Variants in MAN1A2 observed in about 807,000 individuals in gnomAD.
MAN1A2 encodes the protein mannosidase alpha class 1A member 2.
MAN1A2 carries 26 observed loss-of-function variants against 75.7 expected under a neutral mutation model. The observed-to-expected ratio is 0.34, with a 90% confidence interval of 0.25 to 0.48. The LOEUF (loss-of-function observed/expected upper bound fraction) is 0.48, where lower values mean the gene tolerates loss of function less well. MAN1A2 is among the 20% of genes least tolerant of loss of function. MAN1A2 has a pLI of 0.99. For synonymous variants in MAN1A2, 247 were observed against 264.6 expected, an observed-to-expected ratio of 0.93 and a Z score of 0.65; for missense variants, 562 against 775.5, an observed-to-expected ratio of 0.72 and a Z score of 3.27.
rs779110996 is a variant in MAN1A2 at position 117,368,196 on chromosome 1, G to A, written c.13G>A (p.Ala5Thr). The change falls in exon 1 of 13, where the codon GCC becomes ACC. Residue 5 changes from alanine to threonine, a missense_variant. By Grantham distance (58) the Ala-to-Thr change is moderately conservative. This residue lies in a region of MAN1A2 where 128 missense variants were observed against 129.8 expected (regional missense o/e 0.99). Transcript: ENST00000356554. The stretch of plus-strand genomic sequence containing the variant: ...AAGAGCGTAAACGATGACTACCCCA[G>A]CCCTGCTGCCCCTCTCTGGACGTAG... MTTP[A>T]LLPLSGRRIP... 6 of 1,612,378 alleles carry A rather than the reference G, an allele frequency of 3.7e-6. No homozygotes were observed. The East Asian group carries it at 8.9e-5, about 24-fold the overall frequency.
In MAN1A2 at chr1:117,526,762, T is replaced by C. The variant is rs1013830229; in HGVS notation, c.*3805T>C. On this transcript the variant is annotated 3_prime_UTR_variant, in exon 13 of 13. Transcript: ENST00000356554. Reference sequence around the variant, plus strand: ...ATACTAAAATATTCAAAGTTCCAAATAACAGTTCCTAGTAATAGTATTTTG... The same window carrying C: ...ATACTAAAATATTCAAAGTTCCAAACAACAGTTCCTAGTAATAGTATTTTG... 6.7e-6 allele frequency: 1 copy of C among 150,112 alleles called. No homozygotes were observed. The highest frequency in any genetic ancestry group is 1.5e-5 in the Non-Finnish European group (1 of 67,272). 9.3% of individuals were successfully genotyped at this position (150,112 alleles called of 1,614,324 possible). A position where few individuals can be genotyped will look rare whatever the true frequency, so the allele number is the denominator to read the frequency against.
At chr1:117,385,627 G>T (rs930361549) in intron 1 of MAN1A2, among the ~76,000 whole-genome samples, 3 of 152,182 alleles carry the variant, frequency 2.0e-5, no homozygotes, top group Non-Finnish European at 2.9e-5. Flanking sequence ...AAAGGCATGT[G>T]CTTAAATTTT....
At chr1:117,415,177 A>C (rs192014694) in intron 4 of MAN1A2, among the ~76,000 whole-genome samples, 23 of 152,170 alleles carry the variant, frequency 1.5e-4, no homozygotes, top group Admixed American at 9.2e-4. Context: ...GCACAGTTGC[A>C]TTCTTGGTGT....
chr1:117,469,063 T>C (rs1650061059), intron 8 of MAN1A2, among the ~76,000 whole-genome samples: 2 of 151,924 alleles, frequency 1.3e-5, no homozygotes, highest in Admixed American at 6.6e-5. Flanking sequence ...AAGTACAACA[T>C]TGATGACATG....
chr1:117,465,434 A>T (rs917104883), intron 7 of MAN1A2, among the ~76,000 whole-genome samples: 4 of 152,186 alleles, frequency 2.6e-5, no homozygotes, highest in African/African-American at 9.6e-5. Context: ...TATAGACAGC[A>T]TCCCTGAGTC....
chr1:117,403,426 A>AT (rs1309118100), intron 2 of MAN1A2, among the ~76,000 whole-genome samples: 6 of 152,076 alleles, frequency 3.9e-5, no homozygotes, highest in East Asian at 3.9e-4. Flanking sequence ...ACAGTGATAG[A>AT]TTTTTTTTCA....
At chr1:117,371,056 T>C (rs1014341905) in intron 1 of MAN1A2, among the ~76,000 whole-genome samples, 2 of 152,202 alleles carry the variant, frequency 1.3e-5, no homozygotes, top group Admixed American at 1.3e-4. Flanking sequence ...GATTGTTTTA[T>C]TGAAAGAGAT....
In MAN1A2 at chr1:117,381,919, C is replaced by T. The variant is rs12069696; in HGVS notation, c.302+13434C>T. Among the ~76,000 whole-genome samples the T allele has an allele frequency of 3.9e-3, 585 of 151,622 alleles. 7 individuals carry two copies. The highest frequency in any genetic ancestry group is 0.013 in the African/African-American group (556 of 41,404). The stretch of plus-strand genomic sequence containing the variant: ...GGTATCTCATTGTGGTTTTGATTTG[C>T]ATTTCTCTGATGGCCAGTGATGATG... On this transcript the variant is annotated intron_variant, in intron 1 of 12. Coordinates refer to ENST00000356554, the MANE Select transcript of MAN1A2 (RefSeq NM_006699.5).
chr1:117,497,621 C>A (rs1288078574), intron 10 of MAN1A2, among the ~76,000 whole-genome samples: 6 of 151,648 alleles, frequency 4.0e-5, no homozygotes, highest in Non-Finnish European at 8.8e-5. Flanking sequence ...ATGTATAAAG[C>A]ACAGATATAC....
At chr1:117,389,222 C>A (rs1051055732) in intron 1 of MAN1A2, among the ~76,000 whole-genome samples, 31 of 152,228 alleles carry the variant, frequency 2.0e-4, no homozygotes, top group African/African-American at 6.7e-4. Flanking sequence ...GGTTTTATAC[C>A]TTCTTCAGTT....
intron 12 of MAN1A2, among the ~76,000 whole-genome samples, chr1:117,514,510 G>C (rs1024492414): frequency 1.1e-4 from 16 of 152,066 alleles, no homozygotes; most frequent in African/African-American, 3.9e-4. Flanking sequence ...TACTGCTGTT[G>C]TTATCTTCAT....
intron 6 of MAN1A2, among the ~76,000 whole-genome samples, chr1:117,453,950 C>T (rs924581152): frequency 2.6e-5 from 4 of 152,278 alleles, no homozygotes; most frequent in South Asian, 2.1e-4. Context: ...CAGCAACCAT[C>T]GTCATCAAGG....
At chr1:117,406,412 A>G (rs1414412152) in intron 3 of MAN1A2, among the ~76,000 whole-genome samples, 2 of 152,180 alleles carry the variant, frequency 1.3e-5, no homozygotes, top group South Asian at 2.1e-4. Context: ...CAAACTAGTT[A>G]TATGCAATCT....
chr1:117,417,553 A>ATATATATATATATATATATATATT (rs1648038765), intron 4 of MAN1A2, among the ~76,000 whole-genome samples: 1 of 142,076 alleles, frequency 7.0e-6, no homozygotes, highest in African/African-American at 2.6e-5. Flanking sequence ...ATATATATAT[A>ATATATATATATATATATATATATT]TATATGTGAT....
intron 8 of MAN1A2, among the ~76,000 whole-genome samples, chr1:117,478,884 C>G (rs973347849): frequency 6.6e-6 from 1 of 151,818 alleles, no homozygotes; most frequent in Non-Finnish European, 1.5e-5. Context: ...TGTTTTTGCT[C>G]TCTAGGTCCT....
chr1:117,491,983 A>G (rs1650895615), intron 8 of MAN1A2, among the ~76,000 whole-genome samples: 1 of 152,086 alleles, frequency 6.6e-6, no homozygotes, highest in Non-Finnish European at 1.5e-5. Context: ...TTAACAGATG[A>G]GCAAAGAAGA....
At chr1:117,404,492 T>C (rs761718579) in intron 2 of MAN1A2, among the ~76,000 whole-genome samples, 2 of 152,146 alleles carry the variant, frequency 1.3e-5, no homozygotes, top group Non-Finnish European at 2.9e-5. Flanking sequence ...CCTGTAGATA[T>C]TATTGTGAGT....
intron 5 of MAN1A2, 144 bp from the exon 6 acceptor site, chr1:117,442,087 T>C: frequency 2.2e-6 from 1 of 455,326 alleles, no homozygotes; most frequent in Non-Finnish European, 3.9e-6. Context: ...TGCCAAATGC[T>C]GCCTGGTACC....
At position 117,425,876 on chromosome 1, in the gene MAN1A2, C is replaced by G. The variant is rs1469132592; in HGVS notation, c.855+5227C>G. Reference sequence around the variant, plus strand: ...AGAACTATTAAAAATAAAAGAAATGCCTTTTTGTCTTCATTTCAGTCATTT... The same window carrying G: ...AGAACTATTAAAAATAAAAGAAATGGCTTTTTGTCTTCATTTCAGTCATTT... On this transcript the variant is annotated intron_variant, in intron 5 of 12. Coordinates refer to ENST00000356554, the MANE Select transcript of MAN1A2 (RefSeq NM_006699.5). Among the ~76,000 whole-genome samples the G allele has an allele frequency of 2.0e-5, 3 of 152,006 alleles. No individual in the cohort carries two copies. In the South Asian group the frequency reaches 6.2e-4, roughly 32 times the overall value.
Sources: gnomAD v4.1 joint callset for allele counts (sites outside exome capture counted in the v4.1 genomes callset) on GRCh38, gnomAD v4.1.1 for gene constraint, gnomAD v4.1.1 regional missense constraint, MANE v1.5 for transcripts, NCBI Gene and HGNC (gene_info 2026-07-23, HGNC 2026-07-21) for gene names.